Variants in PLCL2 observed in about 807,000 individuals in gnomAD.
PLCL2 encodes the protein phospholipase C like 2.
Under a neutral mutation model 79.6 loss-of-function variants are expected in PLCL2, and 4 were observed. The ratio of observed to expected loss-of-function variants is 0.05; its 90% confidence interval spans 0.02 to 0.11. PLCL2 has a LOEUF of 0.11. PLCL2 is among the 10% of genes least tolerant of loss of function. The pLI is 1.00. For missense variants in PLCL2, 895 were observed against 1,291.0 expected (o/e 0.69, Z 4.70); for synonymous variants, 484 against 457.7 (o/e 1.06, Z -0.73).
At chr3:16,968,274 A>G (rs2124976337) in intron 1 of PLCL2, among the ~76,000 whole-genome samples, 1 of 152,256 alleles carries the variant, frequency 6.6e-6, no homozygotes, top group Non-Finnish European at 1.5e-5. Context: ...TTCCATACCA[A>G]TTTTAACATA....
intron 1 of PLCL2, among the ~76,000 whole-genome samples, chr3:16,959,973 C>A (rs2063740288): frequency 6.6e-6 from 1 of 152,122 alleles, no homozygotes; most frequent in South Asian, 2.1e-4. Flanking sequence ...GGCGTGGTGG[C>A]AGGCACCTGT....
intron 4 of PLCL2, among the ~76,000 whole-genome samples, chr3:17,059,209 G>A (rs750649945): frequency 6.6e-6 from 1 of 151,860 alleles, no homozygotes. Flanking sequence ...TTATGCCACT[G>A]TATAAAGAAT....
At chr3:16,982,747 G>A (rs2064012630) in intron 1 of PLCL2, among the ~76,000 whole-genome samples, 1 of 151,878 alleles carries the variant, frequency 6.6e-6, no homozygotes, top group South Asian at 2.1e-4. Context: ...TTCCTTTACT[G>A]AAAAGAGAAA....
intron 1 of PLCL2, among the ~76,000 whole-genome samples, chr3:16,986,087 A>C (rs1052282368): frequency 2.0e-5 from 3 of 152,110 alleles, no homozygotes; most frequent in African/African-American, 4.8e-5. Flanking sequence ...ATGAACAGGC[A>C]CAAGGAGCTG....
At chr3:17,064,829 T>G (rs1156604952) in intron 4 of PLCL2, among the ~76,000 whole-genome samples, 1 of 150,052 alleles carries the variant, frequency 6.7e-6, no homozygotes, top group African/African-American at 2.5e-5. Flanking sequence ...CTTGGGAGGC[T>G]GAGGCAGGAG....
At chr3:16,950,554 T>C (rs1383766196) in intron 1 of PLCL2, among the ~76,000 whole-genome samples, 7 of 152,036 alleles carry the variant, frequency 4.6e-5, no homozygotes, top group African/African-American at 1.7e-4. Context: ...TGTTTATTGC[T>C]AATATTTGTT....
chr3:16,953,289 G>A (rs977313007), intron 1 of PLCL2, among the ~76,000 whole-genome samples: 1 of 152,030 alleles, frequency 6.6e-6, no homozygotes, highest in African/African-American at 2.4e-5. Flanking sequence ...CTACCTGTGA[G>A]CAAAGGGCTG....
chr3:17,001,790 G>A (rs1179432485), intron 1 of PLCL2, among the ~76,000 whole-genome samples: 1 of 152,034 alleles, frequency 6.6e-6, no homozygotes, highest in Non-Finnish European at 1.5e-5. Context: ...GTAGTATGAT[G>A]ATGCCTCCAG....
At chr3:16,927,671 A>G (rs1697287779) in intron 1 of PLCL2, among the ~76,000 whole-genome samples, 1 of 152,042 alleles carries the variant, frequency 6.6e-6, no homozygotes, top group South Asian at 2.1e-4. Flanking sequence ...TGTAGGATGT[A>G]GGCTCTACCC....
chr3:16,941,553 A>G (rs1697684730), intron 1 of PLCL2, among the ~76,000 whole-genome samples: 1 of 152,184 alleles, frequency 6.6e-6, no homozygotes, highest in African/African-American at 2.4e-5. Flanking sequence ...CATGCCAGTA[A>G]GACAAATGAG....
chr3:16,899,046 T>C (rs1345853073), intron 1 of PLCL2, among the ~76,000 whole-genome samples: 2 of 152,080 alleles, frequency 1.3e-5, no homozygotes, highest in African/African-American at 2.4e-5. Flanking sequence ...CTTCAAAAGG[T>C]GGTAGAGAGA....
intron 4 of PLCL2, among the ~76,000 whole-genome samples, chr3:17,043,865 C>T (rs935215972): frequency 5.9e-5 from 9 of 152,154 alleles, no homozygotes; most frequent in African/African-American, 1.9e-4. Flanking sequence ...CTCATCTTGT[C>T]AGCAAATATT....
chr3:17,043,128 G>C (rs767681398), intron 4 of PLCL2, among the ~76,000 whole-genome samples, 179 bp downstream of exon 4: 1 of 152,140 alleles, frequency 6.6e-6, no homozygotes, highest in Non-Finnish European at 1.5e-5. Context: ...ACTCACCTGA[G>C]GGGACCATTC....
chr3:17,057,852 G>T (rs1170251225), intron 4 of PLCL2, among the ~76,000 whole-genome samples: 1 of 152,218 alleles, frequency 6.6e-6, no homozygotes, highest in African/African-American at 2.4e-5. Flanking sequence ...CTGTTGAGCT[G>T]AATTGAATAC....
intron 3 of PLCL2, among the ~76,000 whole-genome samples, chr3:17,017,427 T>C (rs1428672961): frequency 1.3e-5 from 2 of 152,212 alleles, no homozygotes; most frequent in Non-Finnish European, 2.9e-5. Flanking sequence ...TCTTGTAATA[T>C]TTTGCAGTTC....
intron 1 of PLCL2, among the ~76,000 whole-genome samples, chr3:16,973,618 G>A (rs2063895909): frequency 6.6e-6 from 1 of 152,192 alleles, no homozygotes; most frequent in Admixed American, 6.5e-5. Flanking sequence ...GAACCCTACA[G>A]TGTGATCAGG....
At chr3:17,024,929 T>A (rs9844888) in intron 3 of PLCL2, among the ~76,000 whole-genome samples, 51,964 of 152,012 alleles carry the variant, frequency 0.34, 9,891 homozygotes, top group East Asian at 0.61. Flanking sequence ...CATCCATATG[T>A]TTATGGAGAC....
rs1575556251 is a variant in PLCL2, at chr3:16,962,789, A to T, written c.328-46885A>T. On this transcript the variant is annotated intron_variant, in intron 1 of 5. Coordinates refer to ENST00000615277, the MANE Select transcript of PLCL2 (RefSeq NM_001144382.2). ...GATTTGGAAAAAAATTCCTCAAAGT[A>T]TTGAAATCTCCTTCTTATTCCTAAA... Among the ~76,000 whole-genome samples the T allele has an allele frequency of 2.6e-5, 4 of 152,324 alleles. No individual in the cohort carries two copies. The East Asian group carries it at 7.7e-4, about 29-fold the overall frequency.
chr3:16,973,068 T>C (rs1259855238), intron 1 of PLCL2, among the ~76,000 whole-genome samples: 1 of 152,214 alleles, frequency 6.6e-6, no homozygotes, highest in Non-Finnish European at 1.5e-5. Flanking sequence ...GCGTGATTGC[T>C]TTATAGTATC....
Sources: allele counts gnomAD v4.1 joint callset (sites outside exome capture counted in the v4.1 genomes callset), GRCh38; gene constraint gnomAD v4.1.1; transcripts MANE v1.5; gene names NCBI Gene and HGNC (gene_info 2026-07-23, HGNC 2026-07-21).